The following NMT2 variants were observed in gnomAD, a reference collection of about 807,000 sequenced individuals.
NMT2 encodes the protein glycylpeptide N-tetradecanoyltransferase 2.
Under a neutral mutation model 65.4 loss-of-function variants are expected in NMT2, and 35 were observed. That is an observed-to-expected ratio of 0.54 (90% CI 0.41 to 0.71). NMT2 has a LOEUF of 0.71. Ranked by LOEUF, NMT2 falls within the 30% of genes least tolerant of loss-of-function variation. The pLI, the probability that NMT2 is intolerant of heterozygous loss-of-function variation, is 0.00. For missense variants in NMT2, 489 were observed against 611.3 expected, an observed-to-expected ratio of 0.80 and a Z score of 2.11; for synonymous variants, 226 against 231.8, an observed-to-expected ratio of 0.98 and a Z score of 0.23.
In NMT2 at chr10:15,153,962, C is replaced by T. The variant is rs1832900578; in HGVS notation, c.111-12405G>A. Among the ~76,000 whole-genome samples, 10 of 152,246 alleles carry T rather than the reference C, an allele frequency of 6.6e-5. No homozygotes were observed. The South Asian group carries it at 1.9e-3, about 28-fold the overall frequency. On this transcript the variant is annotated intron_variant, in intron 1 of 11. Coordinates refer to ENST00000378165, the MANE Select transcript of NMT2 (RefSeq NM_004808.3). ...CCGCCGCACCTGGCTTACACACAGA[C>T]GTTTTATTAGTTAGTATACAGGTTG... is the stretch of plus-strand genomic sequence containing the variant.
At chr10:15,135,872 A>G (rs1042711295) in intron 2 of NMT2, among the ~76,000 whole-genome samples, 5 of 151,670 alleles carry the variant, frequency 3.3e-5, no homozygotes, top group African/African-American at 9.7e-5. Flanking sequence ...AAGGGAAGGG[A>G]AGGGGAGGGG....
At chr10:15,122,001 A>G (rs1365293748) in intron 8 of NMT2, among the ~76,000 whole-genome samples, 1 of 152,210 alleles carries the variant, frequency 6.6e-6, no homozygotes, top group Non-Finnish European at 1.5e-5. Context: ...AAATGTCCAG[A>G]TCTCCACTGG....
chr10:15,126,370 A>C (rs531798819), intron 8 of NMT2, among the ~76,000 whole-genome samples: 4 of 151,684 alleles, frequency 2.6e-5, no homozygotes, highest in African/African-American at 9.7e-5. Flanking sequence ...CGGAGATTGC[A>C]ATGAGCTGAG....
intron 9 of NMT2, among the ~76,000 whole-genome samples, chr10:15,116,838 T>C (rs1318904490): frequency 6.6e-6 from 1 of 152,156 alleles, no homozygotes; most frequent in Non-Finnish European, 1.5e-5. Context: ...GATGAACTCC[T>C]CAAAAACTAT....
intron 1 of NMT2, among the ~76,000 whole-genome samples, chr10:15,143,219 T>C (rs1042708678): frequency 6.6e-6 from 1 of 152,312 alleles, no homozygotes; most frequent in South Asian, 2.1e-4. Flanking sequence ...TATCAAGTAA[T>C]TATTGAACAT....
chr10:15,160,331 G>T (rs1160853745), intron 1 of NMT2, among the ~76,000 whole-genome samples: 1 of 152,164 alleles, frequency 6.6e-6, no homozygotes, highest in African/African-American at 2.4e-5. Flanking sequence ...AAATGTTGAA[G>T]AAAAAGAGCA....
intron 8 of NMT2, among the ~76,000 whole-genome samples, chr10:15,127,322 C>A (rs1225782606): frequency 6.6e-6 from 1 of 151,458 alleles, no homozygotes; most frequent in Non-Finnish European, 1.5e-5. Flanking sequence ...CCGAGGCAGG[C>A]GGATCACAAG....
chr10:15,157,885 T>C (rs1317755410), intron 1 of NMT2, among the ~76,000 whole-genome samples: 1 of 152,176 alleles, frequency 6.6e-6, no homozygotes, highest in Non-Finnish European at 1.5e-5. Context: ...CAAGAGACTG[T>C]AGTTTAGTGA....
At chr10:15,121,388 A>G (rs1450789715) in intron 8 of NMT2, among the ~76,000 whole-genome samples, 5 of 152,122 alleles carry the variant, frequency 3.3e-5, no homozygotes, top group Non-Finnish European at 7.4e-5. Context: ...TTTTTTTGAG[A>G]CGGAGTCTCA....
At chr10:15,153,749 A>G (rs1285925905) in intron 1 of NMT2, among the ~76,000 whole-genome samples, 1 of 151,774 alleles carries the variant, frequency 6.6e-6, no homozygotes, top group Non-Finnish European at 1.5e-5. Flanking sequence ...TCCCAGGTTC[A>G]CACCATTCTC....
At chr10:15,161,102 A>AAAAAAAAAAAAAG (rs1833178945) in intron 1 of NMT2, among the ~76,000 whole-genome samples, 1 of 149,428 alleles carries the variant, frequency 6.7e-6, no homozygotes, top group Non-Finnish European at 1.5e-5. Flanking sequence ...AAAAAAAAAA[A>AAAAAAAAAAAAAG]AAAAAAAACA....
Position 15,168,675 on chromosome 10 carries a change from T to C in NMT2, c.-63A>G. The C allele has an allele frequency of 8.0e-7, 1 of 1,256,276 alleles. No homozygotes were observed. The highest frequency in any genetic ancestry group is 1.1e-6 in the Non-Finnish European group (1 of 912,834). 77.8% of individuals were successfully genotyped at this position (1,256,276 alleles called of 1,614,324 possible). A position where few individuals can be genotyped will look rare whatever the true frequency, so the allele number is the denominator to read the frequency against. On this transcript the variant is annotated 5_prime_UTR_variant, in exon 1 of 12. Coordinates refer to ENST00000378165, the MANE Select transcript of NMT2 (RefSeq NM_004808.3). ...GGGCCGGAGCGGCCGCAGCTCCCTC[T>C]AGTGCCTCCCGCCGTACTGCTTGGA...
chr10:15,142,281 G>C (rs1435886880), intron 1 of NMT2, among the ~76,000 whole-genome samples: 1 of 152,226 alleles, frequency 6.6e-6, no homozygotes, highest in Non-Finnish European at 1.5e-5. Context: ...CACGCTGTTG[G>C]GCACAGTGGC....
intron 3 of NMT2, among the ~76,000 whole-genome samples, chr10:15,134,429 C>T (rs1334829803): frequency 1.3e-5 from 2 of 152,178 alleles, no homozygotes; most frequent in African/African-American, 4.8e-5. Context: ...GGGACGGGCC[C>T]CTTGGAATTC....
intron 1 of NMT2, among the ~76,000 whole-genome samples, chr10:15,161,755 A>G (rs1833206806): frequency 6.6e-6 from 1 of 152,256 alleles, no homozygotes; most frequent in South Asian, 2.1e-4. Flanking sequence ...AATGTGAAAC[A>G]TGTAATAGTT....
intron 1 of NMT2, among the ~76,000 whole-genome samples, chr10:15,167,154 T>C (rs1178235612): frequency 6.7e-6 from 1 of 149,324 alleles, no homozygotes; most frequent in African/African-American, 2.5e-5. Context: ...CAGGTTCAGA[T>C]TCCTATGCAA....
chr10:15,141,243 G>A (rs1455992919), intron 2 of NMT2, 179 bp downstream of exon 2: 19 of 865,068 alleles, frequency 2.2e-5, no homozygotes, highest in African/African-American at 6.8e-5. Context: ...GTACCCCTTC[G>A]TTATTTGGGT....
intron 1 of NMT2, among the ~76,000 whole-genome samples, chr10:15,144,725 C>T (rs113214154): frequency 0.02 from 3,004 of 151,080 alleles, 106 homozygotes; most frequent in African/African-American, 0.067. Context: ...AGCGAGACTC[C>T]GTCTCAAAAA....
chr10:15,133,488 G>T, intron 3 of NMT2, 125 bp from the exon 4 acceptor site: 1 of 699,832 alleles, frequency 1.4e-6, no homozygotes. Context: ...TCGGGTTTCA[G>T]ATAATCTTTA....
Sources: gnomAD v4.1 joint callset for allele counts (sites outside exome capture counted in the v4.1 genomes callset) on GRCh38, gnomAD v4.1.1 for gene constraint, MANE v1.5 for transcripts, NCBI Gene and HGNC (gene_info 2026-07-23, HGNC 2026-07-21) for gene names.